ADGRD1: variants seen among roughly 807,000 people sequenced by gnomAD.
ADGRD1 encodes adhesion G protein-coupled receptor D1.
In ADGRD1, 77 loss-of-function variants were observed where a neutral mutation model predicts 113.4. The observed-to-expected ratio is 0.68, with a 90% CI of 0.57 to 0.82. ADGRD1 has a LOEUF of 0.82. Among genes scored for constraint, ADGRD1 ranks in the 40% least tolerant of loss-of-function variants. The pLI is 0.00. For missense variants in ADGRD1, 1,036 were observed against 1,139.1 expected, an observed-to-expected ratio of 0.91 and a Z score of 1.30; for synonymous variants, 474 against 475.0, an observed-to-expected ratio of 1.00 and a Z score of 0.03.
Position 131,003,726 on chromosome 12 carries a change from T to A in ADGRD1, c.1144+424T>A, listed in dbSNP as rs1876697498. On this transcript the variant is annotated intron_variant, in intron 10 of 24. Transcript: ENST00000261654. This position sits in a 1 kb window ranked among gnomAD's most constrained non-coding sequence, Gnocchi z 4.8. ...ATGACCTTTCGATTTTAAAAGTCTTTACCAGGAGTGCATTATCCTGCTGAT... is the reference window on the plus strand; with the variant it reads ...ATGACCTTTCGATTTTAAAAGTCTTAACCAGGAGTGCATTATCCTGCTGAT... 6.6e-6 allele frequency among the ~76,000 whole-genome samples: 1 copy of A among 152,250 alleles called. No homozygotes were observed. Among genetic ancestry groups the A allele is most frequent in the Non-Finnish European group, 1.5e-5 (1 of 68,050 alleles).
chr12:131,002,187 A>C (rs1319596826), intron 9 of ADGRD1, among the ~76,000 whole-genome samples: 1 of 151,882 alleles, frequency 6.6e-6, no homozygotes, highest in Non-Finnish European at 1.5e-5. Flanking sequence ...CATGATTTTA[A>C]TTAACTGCTT....
At chr12:131,031,407 G>A (rs903776377) in intron 13 of ADGRD1, among the ~76,000 whole-genome samples, 1 of 152,188 alleles carries the variant, frequency 6.6e-6, no homozygotes, top group Non-Finnish European at 1.5e-5. Context: ...CTGGAATGGG[G>A]TGAGTTCTGA....
At chr12:130,999,406 C>A (rs1454236186) in intron 8 of ADGRD1, among the ~76,000 whole-genome samples, 1 of 152,212 alleles carries the variant, frequency 6.6e-6, no homozygotes, top group African/African-American at 2.4e-5. Flanking sequence ...TTCCCTATTT[C>A]ATTAATTCTT....
chr12:131,130,027 A>T (rs1232179616), intron 20 of ADGRD1, among the ~76,000 whole-genome samples: 1 of 152,238 alleles, frequency 6.6e-6, no homozygotes, highest in African/African-American at 2.4e-5. Context: ...TCACTGTCCT[A>T]GTTGAATCAT....
At chr12:131,130,703 C>CGATGCTGGCCCATCCCGT (rs1260727540) in intron 20 of ADGRD1, among the ~76,000 whole-genome samples, 5 of 152,170 alleles carry the variant, frequency 3.3e-5, no homozygotes, top group Non-Finnish European at 5.9e-5. Context: ...TGCGGAACAG[C>CGATGCTGGCCCATCCCGT]GATGCTGGCC....
At chr12:131,105,503 G>A (rs554534256) in intron 16 of ADGRD1, among the ~76,000 whole-genome samples, 92 of 152,332 alleles carry the variant, frequency 6.0e-4, no homozygotes, top group African/African-American at 2.1e-3. Flanking sequence ...AACATGAGCT[G>A]GGAAAGAAAG....
intron 4 of ADGRD1, among the ~76,000 whole-genome samples, chr12:130,979,003 T>G (rs553156673): frequency 5.7e-4 from 87 of 152,012 alleles, no homozygotes; most frequent in African/African-American, 1.8e-3. Flanking sequence ...CTCGGGGGGT[T>G]GTCCTGGCTT....
intron 19 of ADGRD1, among the ~76,000 whole-genome samples, chr12:131,118,666 A>C (rs568344007): frequency 1.1e-4 from 16 of 152,362 alleles, no homozygotes; most frequent in African/African-American, 3.6e-4. Context: ...GGAACTAGCA[A>C]CAAAGACCAC....
At chr12:131,053,130 C>T (rs1205318556) in intron 13 of ADGRD1, among the ~76,000 whole-genome samples, 2 of 152,200 alleles carry the variant, frequency 1.3e-5, no homozygotes, top group Non-Finnish European at 2.9e-5. Flanking sequence ...CCAAGTCACT[C>T]CTGGTGGCAT....
rs1319134188 is a variant in ADGRD1, at chr12:131,096,271, A to G, written c.1672-8560A>G. Among the ~76,000 whole-genome samples the G allele has an allele frequency of 6.6e-6, 1 of 152,202 alleles. No individual in the cohort carries two copies. Among genetic ancestry groups the G allele is most frequent in the East Asian group, 1.9e-4 (1 of 5,194 alleles). On this transcript the variant is annotated intron_variant, in intron 15 of 24. Coordinates refer to ENST00000261654, the MANE Select transcript of ADGRD1 (RefSeq NM_198827.5). The surrounding 1 kb of genome is among the most constrained non-coding windows in gnomAD (Gnocchi z 5.2). The stretch of plus-strand genomic sequence containing the variant: ...TTTACAATTTATTTGTGTTAGAGAC[A>G]AGGTTGCACGCTGTGGTCCAGGCTG...
At chr12:130,967,797 C>T (rs377050513) in intron 3 of ADGRD1, 155 of 152,390 alleles carry the variant, frequency 1.0e-3, no homozygotes, top group African/African-American at 3.6e-3. Context: ...TGCCCAGCAT[C>T]GCTCTCATCC....
At chr12:131,034,139 G>A (rs563461528) in intron 13 of ADGRD1, among the ~76,000 whole-genome samples, 19 of 142,046 alleles carry the variant, frequency 1.3e-4, no homozygotes, top group Non-Finnish European at 2.0e-4. Context: ...GAACCCTCTC[G>A]GGGCTTCCTC....
chr12:131,104,895 T>G lies in ADGRD1; in HGVS notation c.1736T>G (p.Leu579Arg). The G allele has an allele frequency of 1.3e-6, 2 of 1,551,466 alleles. No homozygotes were observed. The highest frequency in any genetic ancestry group is 1.2e-5 in the South Asian group (1 of 84,006). The change falls in exon 16 of 25, where the codon CTC (leucine) becomes CGC (arginine). Residue 579 changes from leucine (L) to arginine (R), a missense_variant. Coordinates refer to ENST00000261654, the MANE Select transcript of ADGRD1 (RefSeq NM_198827.5). ...TATGTGGGCTGCTCCCTCTCCGTGC[T>G]CTGCCTGGTGGCCACGCTGGTCACC... ...ISYVGCSLSV[L>R]CLVATLVTFA...
chr12:131,060,166 C>T lies in ADGRD1; in HGVS notation c.1474-16635C>T, dbSNP rs1566073844. On this transcript the variant is annotated intron_variant, in intron 13 of 24. Transcript: ENST00000261654. The surrounding 1 kb of genome is among the most constrained non-coding windows in gnomAD (Gnocchi z 4.4). ...GGTTCCCCCAGGGCTCTGCTGATGC[C>T]CCGCATTGCTTCTCCCCATGGCTTC... Among the ~76,000 whole-genome samples, 2 of 152,230 alleles carry T rather than the reference C, an allele frequency of 1.3e-5. No individual in the cohort carries two copies. Among genetic ancestry groups the T allele is most frequent in the Non-Finnish European group, 2.9e-5 (2 of 68,046 alleles).
chr12:131,051,417 A>G (rs1883372924), intron 13 of ADGRD1, among the ~76,000 whole-genome samples: 3 of 152,108 alleles, frequency 2.0e-5, no homozygotes, highest in African/African-American at 7.2e-5. Flanking sequence ...CAGGAACAAC[A>G]TATAATGTTC....
chr12:131,076,020 G>C (rs147035708), intron 13 of ADGRD1, among the ~76,000 whole-genome samples: 3 of 152,334 alleles, frequency 2.0e-5, no homozygotes, highest in African/African-American at 7.2e-5. Flanking sequence ...GCTCCTGAAG[G>C]TGTCTGTGCC....
chr12:131,064,304 G>T (rs1433984815), intron 13 of ADGRD1, among the ~76,000 whole-genome samples: 9 of 152,160 alleles, frequency 5.9e-5, no homozygotes, highest in Non-Finnish European at 1.3e-4. Flanking sequence ...GTTTTTTATA[G>T]GTGTCCGTTA....
intron 18 of ADGRD1, among the ~76,000 whole-genome samples, chr12:131,112,866 G>A (rs1950375083): frequency 6.6e-6 from 1 of 152,246 alleles, no homozygotes; most frequent in Admixed American, 6.5e-5. Flanking sequence ...AGGGCAGTGA[G>A]GCCCCAGTGT....
intron 2 of ADGRD1, among the ~76,000 whole-genome samples, chr12:130,956,073 G>A (rs915359914): frequency 3.3e-5 from 5 of 152,256 alleles, no homozygotes; most frequent in African/African-American, 1.2e-4. Context: ...ACAGATGTGA[G>A]CCACTGGGCC....
Sources: allele counts gnomAD v4.1 joint callset (sites outside exome capture counted in the v4.1 genomes callset), GRCh38; gene constraint gnomAD v4.1.1; non-coding constraint Gnocchi (gnomAD v3.1); transcripts MANE v1.5; gene names NCBI Gene and HGNC (gene_info 2026-07-23, HGNC 2026-07-21).